Variants in ACRV1 observed in about 807,000 individuals in gnomAD.
ACRV1 encodes acrosomal vesicle protein 1.
In ACRV1, 17 loss-of-function variants were observed where a neutral mutation model predicts 29.2. That is an observed-to-expected ratio of 0.58 (90% CI 0.40 to 0.87). The LOEUF (loss-of-function observed/expected upper bound fraction) is 0.87. Among genes scored for constraint, ACRV1 ranks in the 40% least tolerant of loss-of-function variants. The pLI is 0.00. For missense variants in ACRV1, 294 were observed against 316.0 expected, an observed-to-expected ratio of 0.93 and a Z score of 0.53; for synonymous variants, 98 against 111.6, an observed-to-expected ratio of 0.88 and a Z score of 0.77.
intron 1 of ACRV1, among the ~76,000 whole-genome samples, chr11:125,678,997 T>TATATATAGAGAGAGAGAG (rs1446760515): frequency 7.0e-6 from 1 of 142,290 alleles, no homozygotes; most frequent in African/African-American, 2.6e-5. Flanking sequence ...TATATATATA[T>TATATATAGAGAGAGAGAG]AGACACACAC....
At chr11:125,678,682 A>ACCCT (rs1281305384) in intron 1 of ACRV1, among the ~76,000 whole-genome samples, 1 of 152,028 alleles carries the variant, frequency 6.6e-6, no homozygotes, top group African/African-American at 2.4e-5. Context: ...TTCGCCACCA[A>ACCCT]CCCTCCCATT....
chr11:125,679,740 ACT>A (rs1306477000), intron 1 of ACRV1, among the ~76,000 whole-genome samples: 2 of 152,148 alleles, frequency 1.3e-5, no homozygotes, highest in East Asian at 3.8e-4. Context: ...AGTACTCAAA[ACT>A]CTAAGAATCT....
intron 1 of ACRV1, among the ~76,000 whole-genome samples, chr11:125,678,930 C>T (rs2134129309): frequency 8.3e-6 from 1 of 120,608 alleles, no homozygotes; most frequent in South Asian, 2.8e-4. Context: ...ATTCAGAGAG[C>T]AAAGTTGCTA....
chr11:125,680,630 G>A lies in ACRV1; in HGVS notation c.52+99C>T. On this transcript the variant is annotated intron_variant, in intron 1 of 3. Coordinates refer to ENST00000533904, the MANE Select transcript of ACRV1 (RefSeq NM_001612.6). ...CTGCTCTTGATTCTGACTCAGATTG[G>A]TTTGGGTGACTGAGAGACTGGTCTT... 2.7e-6 allele frequency: 3 copies of A among 1,102,982 alleles called. No individual in the cohort carries two copies. The East Asian group carries it at 7.3e-5, about 27-fold the overall frequency. The allele number at this position is 1,102,982 out of a possible 1,614,324, so 68.3% of individuals were successfully genotyped here.
chr11:125,672,866 G>T, intron 3 of ACRV1, 149 bp from the exon 4 acceptor site: 2 of 1,019,438 alleles, frequency 2.0e-6, no homozygotes, highest in Non-Finnish European at 2.8e-6. Context: ...GCTTCCTCTG[G>T]GAACTTGCCC....
intron 2 of ACRV1, among the ~76,000 whole-genome samples, chr11:125,677,141 C>G (rs1330316299): frequency 6.6e-6 from 1 of 152,182 alleles, no homozygotes; most frequent in Non-Finnish European, 1.5e-5. Context: ...GGACATATTA[C>G]ATTTGCCTCA....
Position 125,672,548 on chromosome 11 carries a change from G to A in ACRV1, c.*45C>T. 6.2e-7 allele frequency: 1 copy of A among 1,608,572 alleles called. No individual in the cohort carries two copies. On this transcript the variant is annotated 3_prime_UTR_variant, in exon 4 of 4. Transcript: ENST00000533904. ...ATAAAATGAGCCAAATAGAGTGATGGAGGCTTTTTACTGCCTGAGTCAAAA... is the reference window on the plus strand; with the variant it reads ...ATAAAATGAGCCAAATAGAGTGATGAAGGCTTTTTACTGCCTGAGTCAAAA...
intron 1 of ACRV1, among the ~76,000 whole-genome samples, chr11:125,679,944 A>C (rs1343641147): frequency 6.6e-6 from 1 of 152,242 alleles, no homozygotes; most frequent in Admixed American, 6.5e-5. Flanking sequence ...AAGTTTTGAT[A>C]AAGAGATGTT....
intron 3 of ACRV1, among the ~76,000 whole-genome samples, chr11:125,674,615 C>T (rs1942394014): frequency 6.6e-6 from 1 of 152,182 alleles, no homozygotes; most frequent in Non-Finnish European, 1.5e-5. Flanking sequence ...AGCCCTTTAA[C>T]AGGTTCTCTT....
intron 1 of ACRV1, among the ~76,000 whole-genome samples, chr11:125,679,088 G>T (rs1005835460): frequency 4.7e-5 from 7 of 148,058 alleles, no homozygotes; most frequent in African/African-American, 1.5e-4. Flanking sequence ...AAGATAAATT[G>T]TGAAGTGCAC....
chr11:125,679,240 T>TA (rs1942686022), intron 1 of ACRV1, among the ~76,000 whole-genome samples: 1 of 130,706 alleles, frequency 7.7e-6, no homozygotes, highest in Non-Finnish European at 1.7e-5. Flanking sequence ...GTTTCAAAGA[T>TA]AGAGTCTCGC....
At chr11:125,674,938 C>T (rs1035203896) in intron 3 of ACRV1, among the ~76,000 whole-genome samples, 4 of 152,180 alleles carry the variant, frequency 2.6e-5, no homozygotes, top group Non-Finnish European at 5.9e-5. Context: ...TGCTCTTTTT[C>T]CTATTTACAT....
At chr11:125,673,566 C>T (rs1004661155) in intron 3 of ACRV1, among the ~76,000 whole-genome samples, 1 of 152,088 alleles carries the variant, frequency 6.6e-6, no homozygotes, top group African/African-American at 2.4e-5. Flanking sequence ...TCATCTACTC[C>T]TCTGGATCCA....
At chr11:125,677,600 C>T (rs1565396232) in intron 2 of ACRV1, among the ~76,000 whole-genome samples, 197 bp downstream of exon 2, 1 of 152,154 alleles carries the variant, frequency 6.6e-6, no homozygotes, top group Non-Finnish European at 1.5e-5. Flanking sequence ...AGAGGGCCCT[C>T]CATATTGTTT....
At chr11:125,676,922 C>G (rs1258337135) in intron 2 of ACRV1, among the ~76,000 whole-genome samples, 3 of 150,712 alleles carry the variant, frequency 2.0e-5, no homozygotes, top group African/African-American at 7.4e-5. Context: ...ATTGCAAACC[C>G]TGTGAAGAGT....
chr11:125,676,616 G>C, intron 2 of ACRV1, 138 bp from the exon 3 acceptor site: 1 of 1,114,882 alleles, frequency 9.0e-7, no homozygotes, highest in Non-Finnish European at 1.3e-6. Flanking sequence ...GGGGATCTGG[G>C]CCCTGTGTCT....
At chr11:125,678,373 G>A (rs1942628230) in intron 1 of ACRV1, 76 bp from the exon 2 acceptor site, 3 of 1,526,656 alleles carry the variant, frequency 2.0e-6, no homozygotes, top group Non-Finnish European at 2.6e-6. Context: ...TATGGAGTTA[G>A]GCTAATGTTA....
chr11:125,676,587 T>G, intron 2 of ACRV1, 109 bp from the exon 3 acceptor site: 1 of 1,321,136 alleles, frequency 7.6e-7, no homozygotes, highest in Admixed American at 1.9e-5. Flanking sequence ...TACTACACAT[T>G]TATTTCTTAG....
chr11:125,677,789 T>A lies in ACRV1; in HGVS notation c.553+8A>T. 1 of 1,613,424 alleles carries A rather than the reference T, an allele frequency of 6.2e-7. No individual in the cohort carries two copies. Among genetic ancestry groups the A allele is most frequent in the Non-Finnish European group, 8.5e-7 (1 of 1,179,378 alleles). On this transcript the variant is annotated splice_region_variant and intron_variant, in intron 2 of 3. Coordinates refer to ENST00000533904, the MANE Select transcript of ACRV1 (RefSeq NM_001612.6). ...TCAATGACTGGCACCCATCCAAACA[T>A]GGCTCACCTGTAGATGTGCTTGAAA... is the stretch of plus-strand genomic sequence containing the variant.
Sources: gnomAD v4.1 joint callset for allele counts (sites outside exome capture counted in the v4.1 genomes callset) on GRCh38, gnomAD v4.1.1 for gene constraint, MANE v1.5 for transcripts, NCBI Gene and HGNC (gene_info 2026-07-23, HGNC 2026-07-21) for gene names.